ATRX: variants seen among roughly 807,000 people sequenced by gnomAD.
ATRX encodes the protein ATRX chromatin remodeler.
Under a neutral mutation model 172.6 loss-of-function variants are expected in ATRX, and 12 were observed. The ratio of observed to expected loss-of-function variants is 0.07; its 90% CI spans 0.04 to 0.11. ATRX has a LOEUF of 0.11. ATRX is among the 10% of genes least tolerant of loss of function. ATRX has a pLI of 1.00. For missense variants in ATRX, 1,368 were observed against 1,767.4 expected (o/e 0.77, Z 4.05); for synonymous variants, 674 against 594.7 (o/e 1.13, Z -1.94).
At chrX:77,538,230 AACACACACAC>A (rs34675782) in intron 30 of ATRX, among the ~76,000 whole-genome samples, 11 of 95,995 alleles carry the variant, frequency 1.1e-4, no homozygotes, top group South Asian at 4.9e-4. Context: ...TACACACACA[AACACACACAC>A]ACACACACAC....
chrX:77,649,196 A>C (rs1176102947), intron 15 of ATRX, among the ~76,000 whole-genome samples: 9 of 110,147 alleles, frequency 8.2e-5, no homozygotes, highest in African/African-American at 2.0e-4. Context: ...GAAAGGAAGG[A>C]AGGAAGGAAG....
chrX:77,631,987 T>G (rs782705679), intron 19 of ATRX, among the ~76,000 whole-genome samples: 31 of 110,179 alleles, frequency 2.8e-4, no homozygotes, highest in Admixed American at 2.2e-3. Flanking sequence ...AAATGAAAAG[T>G]TTTTTTTTGT....
In ATRX at chrX:77,767,521, A is replaced by G. The variant is rs952981615; in HGVS notation, c.20+18461T>C. Among the ~76,000 whole-genome samples, 6 of 109,536 alleles carry G rather than the reference A, an allele frequency of 5.5e-5. No homozygotes were observed. In the South Asian group the frequency reaches 2.4e-3, roughly 43 times the overall value. ...AGCAATTCTCTCACCTCAGCCTCCCAAGTAGCTGGAATTATAGGCACCCGC... is the reference window on the plus strand; with the variant it reads ...AGCAATTCTCTCACCTCAGCCTCCCGAGTAGCTGGAATTATAGGCACCCGC... On this transcript the variant is annotated intron_variant, in intron 1 of 34. Coordinates refer to ENST00000373344, the MANE Select transcript of ATRX (RefSeq NM_000489.6).
At chrX:77,765,948 C>T (rs1557195231) in intron 1 of ATRX, among the ~76,000 whole-genome samples, 1 of 109,820 alleles carries the variant, frequency 9.1e-6, no homozygotes, top group Non-Finnish European at 1.9e-5. Flanking sequence ...CTTGCACCGC[C>T]CTTAATCCAT....
chrX:77,591,181 G>A (rs1305844353), intron 26 of ATRX, among the ~76,000 whole-genome samples: 1 of 111,720 alleles, frequency 9.0e-6, no homozygotes, highest in African/African-American at 3.2e-5. Flanking sequence ...ACGGGAGAAG[G>A]AGGAAAAATG....
At chrX:77,673,749 T>C (rs1322878494) in intron 10 of ATRX, among the ~76,000 whole-genome samples, 3 of 110,810 alleles carry the variant, frequency 2.7e-5, no homozygotes, top group Non-Finnish European at 1.9e-5. Flanking sequence ...AAAAAGTAAA[T>C]AGTAGTTAAA....
At chrX:77,729,212 C>A (rs111753951) in intron 1 of ATRX, among the ~76,000 whole-genome samples, 1 of 106,999 alleles carries the variant, frequency 9.3e-6, no homozygotes, top group African/African-American at 3.4e-5. Flanking sequence ...CAATATCATA[C>A]CAACCATTAA....
intron 1 of ATRX, among the ~76,000 whole-genome samples, chrX:77,735,341 A>C (rs111249317): frequency 0.054 from 6,073 of 111,540 alleles, 398 homozygotes; most frequent in African/African-American, 0.19. Flanking sequence ...TCACGCCTGT[A>C]ATCCCAGCAC....
chrX:77,706,322 A>G (rs1557156998), intron 2 of ATRX, among the ~76,000 whole-genome samples: 1 of 110,656 alleles, frequency 9.0e-6, no homozygotes, highest in Non-Finnish European at 1.9e-5. Flanking sequence ...AGACCATTCA[A>G]TGAAGAAAGA....
At chrX:77,721,862 G>A (rs2073787632) in intron 1 of ATRX, among the ~76,000 whole-genome samples, 2 of 111,481 alleles carry the variant, frequency 1.8e-5, no homozygotes, top group South Asian at 7.5e-4. Flanking sequence ...ACCCCACAGG[G>A]CCACGACAAT....
intron 30 of ATRX, among the ~76,000 whole-genome samples, chrX:77,555,049 T>G (rs1483533653): frequency 1.8e-5 from 2 of 111,525 alleles, no homozygotes; most frequent in Non-Finnish European, 3.8e-5. Context: ...GGGATCAGAG[T>G]GTTCATTGCC....
intron 34 of ATRX, among the ~76,000 whole-genome samples, chrX:77,511,679 G>T (rs1557036582): frequency 8.9e-6 from 1 of 111,906 alleles, no homozygotes; most frequent in African/African-American, 3.2e-5. Context: ...ACATACTGAA[G>T]AATGTATTAA....
chrX:77,757,240 C>T (rs1306520946), intron 1 of ATRX, among the ~76,000 whole-genome samples: 2 of 111,744 alleles, frequency 1.8e-5, no homozygotes, highest in Non-Finnish European at 3.8e-5. Context: ...TTGGTATTGT[C>T]TCCACTGCAC....
At chrX:77,618,488 C>T (rs1386301842) in intron 21 of ATRX, among the ~76,000 whole-genome samples, 1 of 111,828 alleles carries the variant, frequency 8.9e-6, no homozygotes, top group Non-Finnish European at 1.9e-5. Context: ...AGCATAGGAA[C>T]TTCATCATAG....
chrX:77,676,728 G>C (rs1432547228), intron 9 of ATRX, among the ~76,000 whole-genome samples: 1 of 112,633 alleles, frequency 8.9e-6, no homozygotes, highest in Non-Finnish European at 1.9e-5. Flanking sequence ...AAATGCAGTT[G>C]AATGTGTATG....
intron 1 of ATRX, among the ~76,000 whole-genome samples, chrX:77,755,529 C>A (rs1240841200): frequency 9.0e-6 from 1 of 111,649 alleles, no homozygotes; most frequent in Non-Finnish European, 1.9e-5. Context: ...GTGTGGGGGT[C>A]CTTTTTGTTG....
intron 6 of ATRX, chrX:77,690,708 C>T (rs1268097525): frequency 1.8e-5 from 2 of 111,892 alleles, no homozygotes; most frequent in Non-Finnish European, 3.8e-5. Context: ...CCACACCATA[C>T]TTTTTCATTT....
chrX:77,543,508 CAT>C (rs1175279576), intron 30 of ATRX, among the ~76,000 whole-genome samples: 3 of 111,932 alleles, frequency 2.7e-5, no homozygotes, highest in South Asian at 3.7e-4. Context: ...TACATGCACA[CAT>C]ATGTTTATTG....
At chrX:77,702,971 C>T (rs1733159772) in intron 2 of ATRX, among the ~76,000 whole-genome samples, 1 of 112,175 alleles carries the variant, frequency 8.9e-6, no homozygotes, top group African/African-American at 3.2e-5. Flanking sequence ...AAGTAATCCT[C>T]CCACCTCAGC....
Sources: gnomAD v4.1 joint callset for allele counts (sites outside exome capture counted in the v4.1 genomes callset) on GRCh38, gnomAD v4.1.1 for gene constraint, MANE v1.5 for transcripts, NCBI Gene and HGNC (gene_info 2026-07-23, HGNC 2026-07-21) for gene names.